Variants in PAIP2B observed in about 807,000 individuals in gnomAD.
PAIP2B encodes the protein polyadenylate-binding protein-interacting protein 2B.
PAIP2B carries 13 observed loss-of-function variants against 17.0 expected under a neutral mutation model. The observed-to-expected ratio is 0.76, with a 90% confidence interval of 0.50 to 1.22. The LOEUF is 1.22. Among genes scored for constraint, PAIP2B ranks in the 50% most tolerant of loss-of-function variants. The probability of loss-of-function intolerance (pLI) is 0.00; values close to 1 mark genes in which losing one functional copy is unlikely to be tolerated. For synonymous variants in PAIP2B, 43 were observed against 48.7 expected, an observed-to-expected ratio of 0.88 and a Z score of 0.48; for missense variants, 117 against 144.5, an observed-to-expected ratio of 0.81 and a Z score of 0.98.
intron 2 of PAIP2B, among the ~76,000 whole-genome samples, chr2:71,198,593 T>C (rs539416595): frequency 3.9e-5 from 6 of 152,238 alleles, no homozygotes; most frequent in African/African-American, 1.4e-4. Context: ...CCGCTAATTT[T>C]TGTATTTTTA....
intron 1 of PAIP2B, among the ~76,000 whole-genome samples, chr2:71,211,580 TAC>T (rs1157923649): frequency 9.0e-5 from 13 of 144,064 alleles, no homozygotes; most frequent in Admixed American, 5.0e-4. Context: ...TTCTACAAAC[TAC>T]AGTCTTGTGA....
chr2:71,211,019 G>A (rs1477196004), intron 1 of PAIP2B, among the ~76,000 whole-genome samples: 1 of 152,150 alleles, frequency 6.6e-6, no homozygotes, highest in Non-Finnish European at 1.5e-5. Context: ...GGCCGAGGTG[G>A]GTGAATCACC....
chr2:71,215,442 C>T (rs577165490), intron 1 of PAIP2B, among the ~76,000 whole-genome samples: 4 of 152,328 alleles, frequency 2.6e-5, no homozygotes, highest in African/African-American at 9.6e-5. Flanking sequence ...GATGTGCAGC[C>T]AGGCTTCAGA....
At chr2:71,226,654 G>A (rs1052676533) in intron 1 of PAIP2B, among the ~76,000 whole-genome samples, 2 of 152,094 alleles carry the variant, frequency 1.3e-5, no homozygotes, top group African/African-American at 2.4e-5. Flanking sequence ...GGTGGGAGTC[G>A]GGGGGAAACA....
chr2:71,200,645 A>G (rs532715179), intron 2 of PAIP2B, among the ~76,000 whole-genome samples: 2 of 152,240 alleles, frequency 1.3e-5, no homozygotes, highest in African/African-American at 2.4e-5. Flanking sequence ...CCAGCTACTC[A>G]GGAGGCTAAG....
intron 2 of PAIP2B, among the ~76,000 whole-genome samples, chr2:71,193,069 C>T (rs953936787): frequency 6.6e-6 from 1 of 152,170 alleles, no homozygotes; most frequent in Non-Finnish European, 1.5e-5. Context: ...ATAAGCCTTC[C>T]CTTTTCTCCA....
chr2:71,197,972 C>A (rs1336102479), intron 2 of PAIP2B, among the ~76,000 whole-genome samples: 4 of 152,204 alleles, frequency 2.6e-5, no homozygotes, highest in East Asian at 1.9e-4. Flanking sequence ...CCATATCAAT[C>A]CTGAAATATA....
intron 1 of PAIP2B, among the ~76,000 whole-genome samples, chr2:71,210,666 A>G (rs897762952): frequency 9.9e-5 from 15 of 152,264 alleles, no homozygotes; most frequent in African/African-American, 2.4e-4. Context: ...TATTTGTAAA[A>G]TATATCAAAA....
chr2:71,205,121 A>G (rs562834736), intron 1 of PAIP2B, among the ~76,000 whole-genome samples: 6 of 152,320 alleles, frequency 3.9e-5, no homozygotes, highest in Admixed American at 3.3e-4. Flanking sequence ...AAATTCCAGG[A>G]TGTGCTTATT....
intron 1 of PAIP2B, among the ~76,000 whole-genome samples, chr2:71,203,374 T>TTTTTTTTTTTTTTTTTTTTTTGTTCCACA (rs1675035434): frequency 6.6e-6 from 1 of 152,186 alleles, no homozygotes; most frequent in East Asian, 1.9e-4. Context: ...TATTTCTTTT[T>TTTTTTTTTTTTTTTTTTTTTTGTTCCACA]ATCTCCTAGA....
intron 2 of PAIP2B, among the ~76,000 whole-genome samples, chr2:71,201,229 C>T (rs1474482566): frequency 1.3e-5 from 2 of 152,094 alleles, no homozygotes; most frequent in African/African-American, 4.8e-5. Context: ...TGAGTGTTAA[C>T]AAAGCTAGTG....
At chr2:71,217,814 T>A (rs1433783375) in intron 1 of PAIP2B, among the ~76,000 whole-genome samples, 1 of 141,284 alleles carries the variant, frequency 7.1e-6, no homozygotes, top group Non-Finnish European at 1.6e-5. Context: ...ATGCCTACAA[T>A]CCCAGCACTT....
Position 71,189,837 on chromosome 2 carries a change from G to A in PAIP2B, c.315+8C>T, listed in dbSNP as rs758732312. The A allele has an allele frequency of 4.5e-6, 7 of 1,547,540 alleles. No individual in the cohort carries two copies. The highest frequency in any genetic ancestry group is 3.3e-4 in the Middle Eastern group (2 of 5,986). The stretch of plus-strand genomic sequence containing the variant: ...TACATAACCTGGGGAACTACATATG[G>A]CTCTTACCAAAATATCTTCAGAATC... On this transcript the variant is annotated splice_region_variant and intron_variant, in intron 3 of 3. Transcript: ENST00000244221.
intron 1 of PAIP2B, among the ~76,000 whole-genome samples, chr2:71,221,378 C>T (rs1019783164): frequency 8.5e-5 from 13 of 152,192 alleles, no homozygotes; most frequent in African/African-American, 3.1e-4. Context: ...TCCTACTCAC[C>T]CTTAAAGATA....
chr2:71,192,042 CA>C (rs1417790636), intron 2 of PAIP2B, among the ~76,000 whole-genome samples: 2 of 152,166 alleles, frequency 1.3e-5, no homozygotes, highest in African/African-American at 4.8e-5. Flanking sequence ...CACAAATCTA[CA>C]CCCAATAACA....
In PAIP2B at chr2:71,184,635, GCT is replaced by G. The variant is rs1327966225; in HGVS notation, c.*3842_*3843del. ...GCAGCAGAGCAGAGGCTGCAGAGGT[GCT>G]CTGTCTACCGGGAGAACTAATGATC... On this transcript the variant is annotated 3_prime_UTR_variant, in exon 4 of 4. Coordinates refer to ENST00000244221, the MANE Select transcript of PAIP2B (RefSeq NM_020459.1). 6.6e-6 allele frequency: 1 copy of G among 152,182 alleles called. No homozygotes were observed. The highest frequency in any genetic ancestry group is 1.5e-5 in the Non-Finnish European group (1 of 68,030). 9.4% of individuals were successfully genotyped at this position (152,182 alleles called of 1,614,324 possible).
At position 71,203,003 on chromosome 2, in the gene PAIP2B, C is replaced by T. The variant is rs559170015; in HGVS notation, c.-11-403G>A. Reference sequence around the variant, plus strand: ...ACATTGTAAGCACCTACTCCTTATTCTAATTCTCAAGCTGTTTTTCTTTAA... The same window carrying T: ...ACATTGTAAGCACCTACTCCTTATTTTAATTCTCAAGCTGTTTTTCTTTAA... On this transcript the variant is annotated intron_variant, in intron 1 of 3. Coordinates refer to ENST00000244221, the MANE Select transcript of PAIP2B (RefSeq NM_020459.1). Among the ~76,000 whole-genome samples the T allele has an allele frequency of 2.6e-5, 4 of 152,222 alleles. No individual in the cohort carries two copies. In the South Asian group the frequency reaches 6.2e-4, roughly 24 times the overall value.
chr2:71,190,163 T>A, intron 2 of PAIP2B, 142 bp from the exon 3 acceptor site: 1 of 860,624 alleles, frequency 1.2e-6, no homozygotes, highest in Non-Finnish European at 1.7e-6. Flanking sequence ...CTCACAACTG[T>A]AATCCCAGCA....
intron 1 of PAIP2B, among the ~76,000 whole-genome samples, chr2:71,220,593 T>A (rs980291515): frequency 6.6e-6 from 1 of 152,246 alleles, no homozygotes; most frequent in Admixed American, 6.5e-5. Flanking sequence ...ATAAATTCCT[T>A]CAGTCTGTCC....
Sources: allele counts gnomAD v4.1 joint callset (sites outside exome capture counted in the v4.1 genomes callset), GRCh38; gene constraint gnomAD v4.1.1; transcripts MANE v1.5; gene names NCBI Gene and HGNC (gene_info 2026-07-23, HGNC 2026-07-21).